The following PIGN variants were observed in gnomAD, a reference collection of about 807,000 sequenced individuals.
PIGN encodes the protein phosphatidylinositol glycan anchor biosynthesis class N, also known as GPI ethanolamine phosphate transferase 1.
Under a neutral mutation model 125.4 loss-of-function variants are expected in PIGN, and 117 were observed. The ratio of observed to expected loss-of-function variants is 0.93; its 90% CI spans 0.80 to 1.09. The LOEUF is 1.09. Ranked by LOEUF, PIGN falls within the 50% of genes least tolerant of loss-of-function variation. PIGN has a pLI of 0.00. For missense variants in PIGN, 1,075 were observed against 1,094.9 expected (o/e 0.98, Z 0.26); for synonymous variants, 392 against 377.8 (o/e 1.04, Z -0.44).
chr18:62,075,731 T>C (rs901879584), intron 28 of PIGN: 6 of 152,196 alleles, frequency 3.9e-5, no homozygotes, highest in African/African-American at 1.2e-4. Flanking sequence ...AAGAGTGCAA[T>C]TGCTAGGTCA....
intron 23 of PIGN, among the ~76,000 whole-genome samples, chr18:62,031,157 A>T (rs1288828599): frequency 6.6e-6 from 1 of 152,146 alleles, no homozygotes; most frequent in Non-Finnish European, 1.5e-5. Flanking sequence ...GGTAATGAAT[A>T]AGTCTCACAA....
intron 30 of PIGN, among the ~76,000 whole-genome samples, chr18:62,048,030 A>T (rs1286973626): frequency 2.6e-5 from 4 of 152,238 alleles, no homozygotes; most frequent in Non-Finnish European, 5.9e-5. Context: ...CAAATAAAGA[A>T]GTCTAGAACT....
chr18:62,101,549 T>C (rs2034438876), intron 21 of PIGN, among the ~76,000 whole-genome samples: 1 of 152,172 alleles, frequency 6.6e-6, no homozygotes, highest in Non-Finnish European at 1.5e-5. Flanking sequence ...CCAGTCAGAG[T>C]ACCATTTAAA....
intron 14 of PIGN, among the ~76,000 whole-genome samples, chr18:62,130,261 C>A (rs909860146): frequency 3.9e-5 from 6 of 152,136 alleles, no homozygotes; most frequent in Non-Finnish European, 8.8e-5. Flanking sequence ...TTTGTTATGG[C>A]AACCCTAGAA....
chr18:62,145,614 T>C (rs2036298267), intron 10 of PIGN, among the ~76,000 whole-genome samples: 1 of 152,210 alleles, frequency 6.6e-6, no homozygotes, highest in African/African-American at 2.4e-5. Context: ...TTATTTACTC[T>C]ACCTCACATT....
At chr18:62,027,021 G>T (rs1304737367) in intron 23 of PIGN, among the ~76,000 whole-genome samples, 1 of 152,088 alleles carries the variant, frequency 6.6e-6, no homozygotes, top group East Asian at 1.9e-4. Flanking sequence ...TGGCCAACAT[G>T]GTGAAACCCC....
chr18:62,160,171 T>C (rs2036896591), intron 4 of PIGN, among the ~76,000 whole-genome samples: 1 of 151,980 alleles, frequency 6.6e-6, no homozygotes, highest in Admixed American at 6.6e-5. Flanking sequence ...TGATGACAGA[T>C]GGAGATGGGG....
chr18:62,114,398 A>C (rs1456434838), intron 15 of PIGN, among the ~76,000 whole-genome samples, 163 bp downstream of exon 15: 1 of 152,004 alleles, frequency 6.6e-6, no homozygotes, highest in East Asian at 1.9e-4. Context: ...TATTAGTTGA[A>C]ATAAGAGAGA....
rs2032281691 is a variant in PIGN at position 62,063,122 on chromosome 18, C to G, written c.2672+9551G>C. Among the ~76,000 whole-genome samples the G allele has an allele frequency of 2.0e-5, 3 of 151,452 alleles. No homozygotes were observed. In the South Asian group the frequency reaches 6.2e-4, roughly 32 times the overall value. On this transcript the variant is annotated intron_variant, in intron 30 of 30. Coordinates refer to ENST00000640252, the MANE Select transcript of PIGN (RefSeq NM_176787.5). ...AAATAACAAAAATGTGTCAAGCAAA[C>G]ACAGGTAATAAATGTAAAATAAAAT...
chr18:62,144,351 G>A (rs2147240096), intron 10 of PIGN, among the ~76,000 whole-genome samples: 1 of 152,258 alleles, frequency 6.6e-6, no homozygotes, highest in Non-Finnish European at 1.5e-5. Flanking sequence ...GCTCTAACAG[G>A]CTTTAATGAT....
At chr18:62,146,834 A>G in intron 9 of PIGN, 137 bp downstream of exon 9, 1 of 783,370 alleles carries the variant, frequency 1.3e-6, no homozygotes, top group Non-Finnish European at 1.8e-6. Flanking sequence ...TTAGGCTAAC[A>G]TTTTAAGCAC....
chr18:62,021,239 G>C (rs1433579385), intron 23 of PIGN, among the ~76,000 whole-genome samples: 1 of 152,218 alleles, frequency 6.6e-6, no homozygotes, highest in Non-Finnish European at 1.5e-5. Context: ...CCGCCAAACA[G>C]AGAACAAACC....
At position 62,084,537 on chromosome 18, in the gene PIGN, C is replaced by T; in HGVS notation, c.2496G>A (p.Met832Ile). The stretch of plus-strand genomic sequence containing the variant: ...ACAAAATAAGAAAACTAACCTTCCA[C>T]ATCATCAGGGCTCCCATCATAAAAG... The part of the protein sequence containing the change: ...FSPFMMGALM[M>I]WKILIPFVLV... The change falls in exon 27 of 31, where the codon ATG becomes ATA. Residue 832 changes from methionine to isoleucine, a missense_variant. Met to Ile is a conservative substitution (Grantham distance 10). Coordinates refer to ENST00000640252, the MANE Select transcript of PIGN (RefSeq NM_176787.5). The T allele has an allele frequency of 6.5e-7, 1 of 1,541,230 alleles. No individual in the cohort carries two copies. The highest frequency in any genetic ancestry group is 2.4e-5 in the East Asian group (1 of 41,418).
At chr18:62,167,840 A>G (rs1003286113) in intron 1 of PIGN, among the ~76,000 whole-genome samples, 6 of 152,036 alleles carry the variant, frequency 3.9e-5, no homozygotes, top group African/African-American at 1.4e-4. Context: ...TTTTAGTCTC[A>G]TCTTTTTATC....
Position 62,071,685 on chromosome 18 carries a change from C to T in PIGN, c.2672+988G>A, listed in dbSNP as rs996762210. ...TCTTTGCAGCACAAAGCATTACTCT[C>T]GCTTGTTTGTGGTGATGCTGGTGTG... On this transcript the variant is annotated intron_variant, in intron 30 of 30. Coordinates refer to ENST00000640252, the MANE Select transcript of PIGN (RefSeq NM_176787.5). 5.3e-5 allele frequency among the ~76,000 whole-genome samples: 8 copies of T among 151,754 alleles called. No individual in the cohort carries two copies. The East Asian group carries it at 1.5e-3, about 29-fold the overall frequency.
intron 27 of PIGN, among the ~76,000 whole-genome samples, chr18:62,083,090 T>A (rs2033526691): frequency 1.3e-5 from 2 of 152,098 alleles, no homozygotes; most frequent in African/African-American, 4.8e-5. Flanking sequence ...AAGCACAGAA[T>A]GCCCAAATCA....
downstream of PIGN, among the ~76,000 whole-genome samples, chr18:62,037,315 C>T (rs2144906445): frequency 6.6e-6 from 1 of 152,200 alleles, no homozygotes; most frequent in African/African-American, 2.4e-5. Flanking sequence ...GACTCTGGAA[C>T]ATTCATTTAG....
At chr18:62,052,205 A>G (rs989923344) in intron 30 of PIGN, 2 of 151,790 alleles carry the variant, frequency 1.3e-5, no homozygotes, top group Admixed American at 6.6e-5. Flanking sequence ...AGTTCTGTAG[A>G]TGTCTATTAG....
intron 14 of PIGN, among the ~76,000 whole-genome samples, chr18:62,119,063 A>T (rs17642406): frequency 0.24 from 36,068 of 151,888 alleles, 4,544 homozygotes; most frequent in Middle Eastern, 0.38. Context: ...AGGTCTGTAT[A>T]GGGATCCCTG....
Sources: allele counts gnomAD v4.1 joint callset (sites outside exome capture counted in the v4.1 genomes callset), GRCh38; gene constraint gnomAD v4.1.1; transcripts MANE v1.5; gene names NCBI Gene and HGNC (gene_info 2026-07-23, HGNC 2026-07-21).